SRP68: variants seen among roughly 807,000 people sequenced by gnomAD.
The protein encoded by SRP68 is signal recognition particle subunit SRP68.
SRP68 carries 15 observed loss-of-function variants against 82.2 expected under a neutral mutation model. The ratio of observed to expected loss-of-function variants is 0.18; its 90% CI spans 0.12 to 0.28. The LOEUF (loss-of-function observed/expected upper bound fraction) is 0.28, where lower values mean the gene tolerates loss of function less well. SRP68 is among the 10% of genes least tolerant of loss of function. The probability of loss-of-function intolerance (pLI) is 1.00; values close to 1 mark genes in which losing one functional copy is unlikely to be tolerated. For synonymous variants in SRP68, 261 were observed against 292.6 expected (o/e 0.89, Z 1.10); for missense variants, 595 against 780.5 (o/e 0.76, Z 2.83).
chr17:76,069,711 A>G (rs1456778291), intron 2 of SRP68, among the ~76,000 whole-genome samples: 2 of 151,816 alleles, frequency 1.3e-5, no homozygotes, highest in Non-Finnish European at 1.5e-5. Context: ...CGTATCAAAA[A>G]TAAATAAAAT....
Position 76,064,006 on chromosome 17 carries a change from G to T in SRP68, c.531C>A (p.Arg177=), listed in dbSNP as rs746817357. The T allele has an allele frequency of 9.9e-6, 16 of 1,613,942 alleles. No individual in the cohort carries two copies. In the South Asian group the frequency reaches 1.5e-4, roughly 16 times the overall value. ...CCTCTAATTTGGTCTTGGCATCCAC[G>T]CGATTGCTCTCACACAAGCGTTCCA... ...EELERLCESN[R]VDAKTKLEAQ... is the part of the protein sequence containing the mutation. The change falls in exon 4 of 16, where the codon CGC becomes CGA. Residue 177 remains arginine (R), a synonymous_variant. Coordinates refer to ENST00000307877, the MANE Select transcript of SRP68 (RefSeq NM_014230.4).
chr17:76,062,824 G>T (rs1175723397), intron 4 of SRP68, among the ~76,000 whole-genome samples: 7 of 131,442 alleles, frequency 5.3e-5, no homozygotes, highest in African/African-American at 2.1e-4. Flanking sequence ...AGGCTGGAGC[G>T]CAGTGGCACA....
At position 76,072,026 on chromosome 17, in the gene SRP68, C is replaced by A. The variant is rs1206647992; in HGVS notation, c.184+282G>T. On this transcript the variant is annotated intron_variant, in intron 1 of 15. Coordinates refer to ENST00000307877, the MANE Select transcript of SRP68 (RefSeq NM_014230.4). This position sits in a 1 kb window ranked among gnomAD's most constrained non-coding sequence, Gnocchi z 4.5. Reference sequence around the variant, plus strand: ...GCTCAAGGTGTCACTTGGTCACAAGCCCTCCAACTGGACAACTGCGGGGCA... The same window carrying A: ...GCTCAAGGTGTCACTTGGTCACAAGACCTCCAACTGGACAACTGCGGGGCA... 3.6e-6 allele frequency: 2 copies of A among 551,884 alleles called. No individual in the cohort carries two copies. The highest frequency in any genetic ancestry group is 6.2e-6 in the Non-Finnish European group (2 of 320,628). The allele number at this position is 551,884 out of a possible 1,614,324, so 34.2% of individuals were successfully genotyped here.
chr17:76,067,427 G>C, intron 2 of SRP68, 97 bp from the exon 3 acceptor site: 2 of 820,312 alleles, frequency 2.4e-6, no homozygotes, highest in Non-Finnish European at 2.0e-6. Context: ...AATGGTTTGG[G>C]ATATTATACT....
In SRP68 at chr17:76,061,138, G is replaced by C; in HGVS notation, c.726C>G (p.Pro242=). The change falls in exon 6 of 16, where the codon CCC becomes CCG. Residue 242 remains proline, a synonymous_variant. Coordinates refer to ENST00000307877, the MANE Select transcript of SRP68 (RefSeq NM_014230.4). ...TATTATATGCACAATAGCGGATGTT[G>C]GGTGAAATCTCTTCCACACGTTGGT... is the stretch of plus-strand genomic sequence containing the variant. The part of the protein sequence containing the change: ...LYNQRVEEIS[P]NIRYCAYNIG... 1 of 1,613,040 alleles carries C rather than the reference G, an allele frequency of 6.2e-7. No individual in the cohort carries two copies. The highest frequency in any genetic ancestry group is 1.3e-5 in the African/African-American group (1 of 75,026).
At chr17:76,056,324 A>G (rs953036369) in intron 8 of SRP68, among the ~76,000 whole-genome samples, 2 of 152,130 alleles carry the variant, frequency 1.3e-5, no homozygotes, top group Non-Finnish European at 2.9e-5. Context: ...AGCATTGATC[A>G]CTTTTAAAAC....
chr17:76,070,695 A>G (rs2066844664), intron 1 of SRP68, among the ~76,000 whole-genome samples: 1 of 152,088 alleles, frequency 6.6e-6, no homozygotes, highest in South Asian at 2.1e-4. Context: ...ACAAAAAATT[A>G]GCCGGGCGCA....
rs149441749 is a variant in SRP68, at chr17:76,065,752, C to T, written c.365+1465G>A. On this transcript the variant is annotated intron_variant, in intron 3 of 15. Transcript: ENST00000307877. ...TACTGACTTCCCTGTCAAAAGCCTT[C>T]AAGCTCAAGTCTCCTTTCCAAGGCT... Among the ~76,000 whole-genome samples the T allele has an allele frequency of 2.0e-5, 3 of 152,276 alleles. No individual in the cohort carries two copies. In the East Asian group the frequency reaches 5.8e-4, roughly 29 times the overall value.
Position 76,062,557 on chromosome 17 carries a change from CATTATAT to C in SRP68, c.562-990_562-984del, listed in dbSNP as rs1389356262. On this transcript the variant is annotated intron_variant, in intron 4 of 15. Coordinates refer to ENST00000307877, the MANE Select transcript of SRP68 (RefSeq NM_014230.4). ...TATACATTATATATTATATAATATA[CATTATAT>C]ATTATATAATATACATTATATAATA... Among the ~76,000 whole-genome samples, 67 of 51,990 alleles carry C rather than the reference CATTATAT, an allele frequency of 1.3e-3. 3 individuals are homozygous for C. Among genetic ancestry groups the C allele is most frequent in the African/African-American group, 4.4e-3 (40 of 9,004 alleles). The allele number at this position is 51,990 out of a possible 152,430, so 34.1% of individuals were successfully genotyped here.
rs536477130 is a variant in SRP68, at chr17:76,072,446, T to TGCCGCCGCCGCCGCCGCCGCC, written c.25_45dup (p.Gly9_Gly15dup). The TGCCGCCGCCGCCGCCGCCGCC allele has an allele frequency of 5.1e-6, 8 of 1,579,284 alleles. No homozygotes were observed. The African/African-American group carries it at 1.1e-4, about 21-fold the overall frequency. ...CCGCCACTGCCACCGCCGCCGCCACTGCCGCCGCCGCCGCCGCCGCCTGGG... is the reference window on the plus strand; with the variant it reads ...CCGCCACTGCCACCGCCGCCGCCACTGCCGCCGCCGCCGCCGCCGCCGCCGCCGCCGCCGCCGCCGCCTGGG... On this transcript the variant is annotated inframe_insertion, in exon 1 of 16. Transcript: ENST00000307877. This position sits in a 1 kb window ranked among gnomAD's most constrained non-coding sequence, Gnocchi z 4.5.
chr17:76,072,143 G>C lies in SRP68; in HGVS notation c.184+165C>G. On this transcript the variant is annotated intron_variant, in intron 1 of 15. Transcript: ENST00000307877. This position sits in a 1 kb window ranked among gnomAD's most constrained non-coding sequence, Gnocchi z 4.5. ...GGACACGAGGAAAGACTAGTCGAGA[G>C]ACAGACCCCCCCCGGAATTCTGAGC... The C allele has an allele frequency of 1.5e-6, 2 of 1,346,420 alleles. No individual in the cohort carries two copies. The highest frequency in any genetic ancestry group is 2.5e-5 in the East Asian group (1 of 40,128). The allele number at this position is 1,346,420 out of a possible 1,614,324, so 83.4% of individuals were successfully genotyped here. A position where few individuals can be genotyped will look rare whatever the true frequency, so the allele number is the denominator to read the frequency against.
intron 7 of SRP68, among the ~76,000 whole-genome samples, chr17:76,059,011 G>A (rs1047539135): frequency 8.5e-5 from 13 of 152,126 alleles, no homozygotes; most frequent in Non-Finnish European, 1.3e-4. Flanking sequence ...AGGCTAAGGC[G>A]AACAGATTGC....
intron 4 of SRP68, among the ~76,000 whole-genome samples, chr17:76,062,515 C>T (rs1487224041): frequency 1.2e-4 from 11 of 95,644 alleles, no homozygotes; most frequent in South Asian, 2.9e-4. Context: ...ATATAATATA[C>T]ATTATATATT....
At chr17:76,044,465 T>C (rs1567926455) in intron 12 of SRP68, among the ~76,000 whole-genome samples, 1 of 152,174 alleles carries the variant, frequency 6.6e-6, no homozygotes, top group Non-Finnish European at 1.5e-5. Context: ...AGACGGGGCA[T>C]GCTGGAGCAC....
chr17:76,056,066 G>A (rs574703464), intron 8 of SRP68, among the ~76,000 whole-genome samples: 34 of 152,002 alleles, frequency 2.2e-4, no homozygotes, highest in African/African-American at 7.2e-4. Flanking sequence ...GCCTTCCTCC[G>A]CTTCTCAAAG....
At chr17:76,047,516 G>T (rs2066640504) in intron 10 of SRP68, among the ~76,000 whole-genome samples, 2 of 152,162 alleles carry the variant, frequency 1.3e-5, no homozygotes, top group South Asian at 4.1e-4. Flanking sequence ...AGGTGCAGTG[G>T]TTCACGCCTA....
At chr17:76,055,724 A>G (rs1161128309) in intron 8 of SRP68, among the ~76,000 whole-genome samples, 1 of 151,276 alleles carries the variant, frequency 6.6e-6, no homozygotes, top group African/African-American at 2.4e-5. Flanking sequence ...GCTGCACTCC[A>G]GCCTGGGTGA....
At chr17:76,042,834 C>T (rs2066601801) in intron 13 of SRP68, among the ~76,000 whole-genome samples, 1 of 152,192 alleles carries the variant, frequency 6.6e-6, no homozygotes, top group Non-Finnish European at 1.5e-5. Context: ...ATCTGCCCAC[C>T]TCAGCTTCCC....
intron 11 of SRP68, 33 bp downstream of exon 11, chr17:76,046,005 C>A: frequency 1.2e-6 from 2 of 1,612,182 alleles, no homozygotes; most frequent in East Asian, 4.5e-5. Flanking sequence ...AGGAAAACCA[C>A]AGGCCCTTGC....
Sources: gnomAD v4.1 joint callset for allele counts (sites outside exome capture counted in the v4.1 genomes callset) on GRCh38, gnomAD v4.1.1 for gene constraint, Gnocchi (gnomAD v3.1) non-coding constraint, MANE v1.5 for transcripts, NCBI Gene and HGNC (gene_info 2026-07-23, HGNC 2026-07-21) for gene names.